PKHD1: variants seen among roughly 807,000 people sequenced by gnomAD.
The protein encoded by PKHD1 is fibrocystin.
PKHD1 carries 291 observed loss-of-function variants against 412.0 expected under a neutral mutation model. That is an observed-to-expected ratio of 0.71 (90% CI 0.64 to 0.78). The LOEUF (loss-of-function observed/expected upper bound fraction) is 0.78. PKHD1 is among the 30% of genes least tolerant of loss of function. The probability of loss-of-function intolerance (pLI) is 0.00; values close to 1 mark genes in which losing one functional copy is unlikely to be tolerated. For synonymous variants in PKHD1, 1,777 were observed against 1,821.5 expected (o/e 0.98, Z 0.62); for missense variants, 4,825 against 4,950.7 (o/e 0.97, Z 0.76).
chr6:51,619,496 C>G lies in PKHD1; in HGVS notation c.11810G>C (p.Gly3937Ala). ...GEDMRMKVML[G>A]KVNQCPHQLM... ...CTGGTGGGGGCACTGGTTCACCTTGCCCAGCATGACCTTCATTCTCATATC... is the reference window on the plus strand; with the variant it reads ...CTGGTGGGGGCACTGGTTCACCTTGGCCAGCATGACCTTCATTCTCATATC... Residue 3937 changes from glycine to alanine, a missense_variant, in exon 67 of 67, where the codon GGC (glycine) becomes GCC (alanine). Coordinates refer to ENST00000371117, the MANE Select transcript of PKHD1 (RefSeq NM_138694.4). 6.2e-7 allele frequency: 1 copy of G among 1,613,992 alleles called. No individual in the cohort carries two copies.
Position 52,026,049 on chromosome 6 carries a change from G to C in PKHD1, c.3761C>G (p.Ala1254Gly), listed in dbSNP as rs148901752. The change falls in exon 32 of 67, where the codon GCC becomes GGC. Residue 1254 changes from alanine (A) to glycine (G), a missense_variant. Ala to Gly is a moderately conservative substitution (Grantham distance 60, BLOSUM62 0). Transcript: ENST00000371117. ...EASIWCETLP[A>G]PQIPDAGAPT... ...AGCGCCCGCATCGGGTATCTGGGGG[G>C]CTGGCAGGGTTTCACACCAGATGCT... 1.9e-4 allele frequency: 304 copies of C among 1,614,024 alleles called. No homozygotes were observed. Among genetic ancestry groups the C allele is most frequent in the Admixed American group, 9.8e-4 (59 of 60,008 alleles).
At chr6:51,907,588 T>C (rs2127642982) in intron 40 of PKHD1, among the ~76,000 whole-genome samples, 1 of 152,292 alleles carries the variant, frequency 6.6e-6, no homozygotes, top group Non-Finnish European at 1.5e-5. Flanking sequence ...AAAAGTACTG[T>C]GCAACATTTA....
Position 52,076,261 on chromosome 6 carries a change from TAGA to T in PKHD1, c.448+12_448+14del. ...AGATTCACAATTATTCCTATTTTAATAGAAGATTTCTTACCTGGAACACCACTT... is the reference window on the plus strand; with the variant it reads ...AGATTCACAATTATTCCTATTTTAATAGATTTCTTACCTGGAACACCACTT... On this transcript the variant is annotated intron_variant, in intron 6 of 66. Coordinates refer to ENST00000371117, the MANE Select transcript of PKHD1 (RefSeq NM_138694.4). The T allele has an allele frequency of 2.5e-6, 4 of 1,574,382 alleles. No homozygotes were observed. Among genetic ancestry groups the T allele is most frequent in the Non-Finnish European group, 3.5e-6 (4 of 1,143,786 alleles).
Position 51,659,260 on chromosome 6 carries a change from G to T in PKHD1, c.10866C>A (p.Cys3622Ter), listed in dbSNP as rs562381413. Reference protein sequence around the residue: ...ADSRAKRKRNCPTVTCTSHYR... With the variant: ...ADSRAKRKRN ...AATGACTAGTGCAAGTCACAGTAGG[G>T]CAATTGCGCTTTCTTTTTGCTCTAC... is the stretch of plus-strand genomic sequence containing the variant. The change falls in exon 61 of 67, where the codon TGC becomes TGA. Residue 3622 changes from cysteine to a stop codon, truncating the protein, a stop_gained. Coordinates refer to ENST00000371117, the MANE Select transcript of PKHD1 (RefSeq NM_138694.4). LOFTEE classifies it high-confidence loss of function. 6.2e-7 allele frequency: 1 copy of T among 1,613,798 alleles called. No homozygotes were observed. The highest frequency in any genetic ancestry group is 1.1e-5 in the South Asian group (1 of 91,074).
At chr6:51,720,655 A>AT (rs991022546) in intron 60 of PKHD1, among the ~76,000 whole-genome samples, 11 of 148,784 alleles carry the variant, frequency 7.4e-5, no homozygotes, top group East Asian at 2.0e-4. Flanking sequence ...TAGCACTCCT[A>AT]TTTTTTTTTC....
At chr6:51,660,942 G>A (rs1342388430) in intron 60 of PKHD1, among the ~76,000 whole-genome samples, 1 of 152,142 alleles carries the variant, frequency 6.6e-6, no homozygotes, top group Non-Finnish European at 1.5e-5. Context: ...GTGAGGAGAT[G>A]AGGCTTGATG....
intron 50 of PKHD1, among the ~76,000 whole-genome samples, chr6:51,845,020 T>C (rs1335917848): frequency 6.6e-6 from 1 of 152,210 alleles, no homozygotes; most frequent in Non-Finnish European, 1.5e-5. Context: ...GTCATGGTCC[T>C]ATAAAGTCAA....
intron 60 of PKHD1, among the ~76,000 whole-genome samples, chr6:51,684,549 G>T (rs1048284169): frequency 6.6e-6 from 1 of 152,054 alleles, no homozygotes; most frequent in Non-Finnish European, 1.5e-5. Context: ...ATTTAAAGAG[G>T]CTCCAAGGGG....
At chr6:52,022,761 T>C (rs1032657961) in intron 33 of PKHD1, 40 bp downstream of exon 33, 10 of 1,595,880 alleles carry the variant, frequency 6.3e-6, no homozygotes, top group African/African-American at 2.7e-5. Flanking sequence ...CATTTCCATA[T>C]ATATGCTTTA....
At chr6:51,886,054 A>G in intron 44 of PKHD1, 82 bp from the exon 45 acceptor site, 2 of 857,034 alleles carry the variant, frequency 2.3e-6, no homozygotes, top group Non-Finnish European at 3.9e-6. Context: ...ATACAAAGTA[A>G]AAGTAATGTA....
chr6:51,725,818 T>C (rs1782505281), intron 60 of PKHD1, among the ~76,000 whole-genome samples: 1 of 152,222 alleles, frequency 6.6e-6, no homozygotes, highest in African/African-American at 2.4e-5. Flanking sequence ...CTTGCAGGGT[T>C]GTGCTAGGGG....
At chr6:52,040,568 G>A (rs1464670060) in intron 27 of PKHD1, among the ~76,000 whole-genome samples, 1 of 152,090 alleles carries the variant, frequency 6.6e-6, no homozygotes, top group Non-Finnish European at 1.5e-5. Flanking sequence ...AACTTGCTTT[G>A]GGTCATCTTC....
At chr6:51,720,045 G>T (rs1177960772) in intron 60 of PKHD1, among the ~76,000 whole-genome samples, 2 of 152,142 alleles carry the variant, frequency 1.3e-5, no homozygotes, top group Non-Finnish European at 2.9e-5. Context: ...GTGCATGGAG[G>T]CAGGGTAAAG....
intron 48 of PKHD1, among the ~76,000 whole-genome samples, chr6:51,861,630 C>T (rs1460909494): frequency 1.3e-5 from 2 of 152,186 alleles, no homozygotes; most frequent in Non-Finnish European, 2.9e-5. Context: ...TTTAAAAATA[C>T]ACCATGCTCA....
chr6:52,051,005 C>T (rs1424336574), intron 21 of PKHD1, among the ~76,000 whole-genome samples: 8 of 152,214 alleles, frequency 5.3e-5, no homozygotes, highest in Non-Finnish European at 1.2e-4. Context: ...AGATTGGTTA[C>T]AATGGAGACT....
At chr6:51,795,741 A>C (rs954001066) in intron 52 of PKHD1, among the ~76,000 whole-genome samples, 2 of 152,114 alleles carry the variant, frequency 1.3e-5, no homozygotes, top group Non-Finnish European at 2.9e-5. Context: ...ATGTATGTTG[A>C]ATTTATCAAA....
chr6:51,839,193 G>A (rs1037199052), intron 50 of PKHD1, among the ~76,000 whole-genome samples: 5 of 152,178 alleles, frequency 3.3e-5, no homozygotes, highest in African/African-American at 1.2e-4. Context: ...AATACAAAGA[G>A]GGATGAAAAT....
At chr6:52,075,904 T>C (rs1811264878) in intron 6 of PKHD1, among the ~76,000 whole-genome samples, 1 of 152,188 alleles carries the variant, frequency 6.6e-6, no homozygotes, top group Non-Finnish European at 1.5e-5. Flanking sequence ...TCTAGTAAGA[T>C]ATCTGAAGAG....
chr6:51,913,936 T>C (rs1783379564), intron 37 of PKHD1, among the ~76,000 whole-genome samples: 1 of 152,124 alleles, frequency 6.6e-6, no homozygotes, highest in Non-Finnish European at 1.5e-5. Flanking sequence ...CTTTATTTCT[T>C]GTTTGTATAT....
Sources: allele counts gnomAD v4.1 joint callset (sites outside exome capture counted in the v4.1 genomes callset), GRCh38; gene constraint gnomAD v4.1.1; transcripts MANE v1.5; gene names NCBI Gene and HGNC (gene_info 2026-07-23, HGNC 2026-07-21).